The following SKIC3 variants were observed in gnomAD, a reference collection of about 807,000 sequenced individuals.
The protein encoded by SKIC3 is SKI3 subunit of superkiller complex.
chr5:95,525,474 G>C, the SKIC3 span: 1 of 1,613,882 alleles, frequency 6.2e-7, no homozygotes, highest in Non-Finnish European at 8.5e-7. Flanking sequence ...GCTAGGTCAG[G>C]GTAAGAAGAG....
At chr5:95,498,579 C>T in the SKIC3 span, 1 of 1,613,582 alleles carries the variant, frequency 6.2e-7, no homozygotes, top group African/African-American at 1.3e-5. Flanking sequence ...TGGTTGGTTC[C>T]TTTAAGATAG....
the SKIC3 span, chr5:95,494,668 G>T: frequency 6.2e-7 from 1 of 1,608,972 alleles, no homozygotes; most frequent in Non-Finnish European, 8.5e-7. Flanking sequence ...TAATGAAATA[G>T]ATATTATATG....
chr5:95,506,821 G>T, the SKIC3 span: 3 of 1,062,502 alleles, frequency 2.8e-6, no homozygotes, highest in Non-Finnish European at 4.3e-6. Flanking sequence ...TGGAAATTAT[G>T]TATCCTACAT....
At chr5:95,474,065 A>C in the SKIC3 span, among the ~76,000 whole-genome samples, 2 of 152,210 alleles carry the variant, frequency 1.3e-5, no homozygotes, top group African/African-American at 4.8e-5. Flanking sequence ...TCTTTAATCC[A>C]TCTTGAGTTA....
the SKIC3 span, among the ~76,000 whole-genome samples, chr5:95,535,720 C>A: frequency 6.6e-6 from 1 of 151,966 alleles, no homozygotes; most frequent in African/African-American, 2.4e-5. Context: ...TCATTTTCTA[C>A]CAAGGAATTT....
the SKIC3 span, among the ~76,000 whole-genome samples, chr5:95,531,804 CATGTAT>C: frequency 1.3e-5 from 2 of 152,116 alleles, no homozygotes; most frequent in Admixed American, 1.3e-4. Context: ...AGTCTTATAA[CATGTAT>C]ATTCTGCCCT....
At chr5:95,490,757 C>G in the SKIC3 span, 1 of 969,676 alleles carries the variant, frequency 1.0e-6, no homozygotes, top group South Asian at 1.5e-5. Context: ...CTCGGCCTCC[C>G]AAAGTGCTGG....
the SKIC3 span, among the ~76,000 whole-genome samples, chr5:95,510,799 T>A: frequency 0.45 from 67,725 of 152,084 alleles, 18,737 homozygotes; most frequent in African/African-American, 0.79. Flanking sequence ...TGCATGAATT[T>A]CTCTTTTTCT....
chr5:95,538,314 A>AT, the SKIC3 span, among the ~76,000 whole-genome samples: 1 of 152,112 alleles, frequency 6.6e-6, no homozygotes, highest in East Asian at 1.9e-4. Flanking sequence ...TCACTGCTCA[A>AT]TTTTTTCCAC....
the SKIC3 span, among the ~76,000 whole-genome samples, chr5:95,465,131 T>C: frequency 1.3e-5 from 2 of 152,064 alleles, no homozygotes; most frequent in Non-Finnish European, 2.9e-5. Flanking sequence ...TTTCACCATG[T>C]TGGCCAGAGG....
the SKIC3 span, chr5:95,547,067 G>A: frequency 6.2e-7 from 1 of 1,612,818 alleles, no homozygotes; most frequent in African/African-American, 1.3e-5. Flanking sequence ...TTACCTTACA[G>A]TGTTTCAAAG....
chr5:95,513,087 A>G, the SKIC3 span: 8 of 179,866 alleles, frequency 4.4e-5, no homozygotes, highest in East Asian at 1.0e-3. Context: ...CAGCTCTTGA[A>G]AGTTGTAGAA....
chr5:95,515,043 T>C, the SKIC3 span: 2 of 1,001,566 alleles, frequency 2.0e-6, no homozygotes, highest in Non-Finnish European at 1.5e-6. Context: ...GAACATAAAA[T>C]TTCACTGTTT....
At chr5:95,510,890 G>A in the SKIC3 span, among the ~76,000 whole-genome samples, 1 of 152,296 alleles carries the variant, frequency 6.6e-6, no homozygotes, top group South Asian at 2.1e-4. Context: ...ACCTATCTAT[G>A]AAGGTAAAAT....
the SKIC3 span, chr5:95,503,085 T>C: frequency 6.5e-7 from 1 of 1,544,652 alleles, no homozygotes; most frequent in Non-Finnish European, 8.9e-7. Flanking sequence ...CTTTCCAAAT[T>C]TTTTAGAAAG....
chr5:95,501,706 A>G, the SKIC3 span, among the ~76,000 whole-genome samples: 1 of 151,902 alleles, frequency 6.6e-6, no homozygotes, highest in African/African-American at 2.4e-5. Flanking sequence ...AAAAGATTGT[A>G]TATATATATA....
chr5:95,482,566 T>C, the SKIC3 span: 6 of 1,613,894 alleles, frequency 3.7e-6, no homozygotes, highest in Admixed American at 8.3e-5. Flanking sequence ...ACTCCAGGAG[T>C]GGTTTACACT....
chr5:95,467,661 T>C, the SKIC3 span, among the ~76,000 whole-genome samples: 1 of 152,190 alleles, frequency 6.6e-6, no homozygotes, highest in African/African-American at 2.4e-5. Flanking sequence ...TTAAACCATA[T>C]GCATAAATAT....
At chr5:95,466,714 C>T in the SKIC3 span, among the ~76,000 whole-genome samples, 2 of 152,196 alleles carry the variant, frequency 1.3e-5, no homozygotes, top group African/African-American at 4.8e-5. Context: ...TTTACTTAGC[C>T]TTGCTTCTTG....
Sources: gnomAD v4.1 joint callset for allele counts (sites outside exome capture counted in the v4.1 genomes callset) on GRCh38, gnomAD v4.1.1 for gene constraint, MANE v1.5 for transcripts, NCBI Gene and HGNC (gene_info 2026-07-23, HGNC 2026-07-21) for gene names.